GLIS3: variants seen among roughly 807,000 people sequenced by gnomAD.
GLIS3 encodes GLIS family zinc finger 3.
Under a neutral mutation model 78.6 loss-of-function variants are expected in GLIS3, and 53 were observed. The observed-to-expected ratio is 0.67, with a 90% CI of 0.54 to 0.85. The LOEUF is 0.85. Among genes scored for constraint, GLIS3 ranks in the 40% least tolerant of loss-of-function variants. The pLI is 0.00. For missense variants in GLIS3, 1,703 were observed against 1,231.1 expected (o/e 1.38, Z -5.74); for synonymous variants, 684 against 509.9 (o/e 1.34, Z -4.60).
chr9:4,269,400 T>C (rs1826303202), intron 2 of GLIS3, among the ~76,000 whole-genome samples: 1 of 152,238 alleles, frequency 6.6e-6, no homozygotes, highest in African/African-American at 2.4e-5. Flanking sequence ...TAGGCTACAC[T>C]TATACTGCCA....
At chr9:4,320,282 G>A (rs1362375962) in intron 2 of GLIS3, among the ~76,000 whole-genome samples, 1 of 152,072 alleles carries the variant, frequency 6.6e-6, no homozygotes, top group East Asian at 1.9e-4. Context: ...AAGAATTTGA[G>A]TTTGTGAGCT....
At chr9:4,071,255 T>C (rs564711363) in intron 4 of GLIS3, 22 of 152,248 alleles carry the variant, frequency 1.4e-4, no homozygotes, top group Middle Eastern at 3.4e-3. Context: ...TATGTAACCA[T>C]TGGGCCAATG....
chr9:4,082,952 G>A (rs1828685168), intron 4 of GLIS3, among the ~76,000 whole-genome samples: 1 of 152,146 alleles, frequency 6.6e-6, no homozygotes, highest in Non-Finnish European at 1.5e-5. Flanking sequence ...TGCTATTTTA[G>A]ATGGGTAACT....
Position 4,118,579 on chromosome 9 carries a change from T to C in GLIS3, c.899A>G (p.Lys300Arg). The C allele has an allele frequency of 6.2e-7, 1 of 1,614,214 alleles. No individual in the cohort carries two copies. Among genetic ancestry groups the C allele is most frequent in the Non-Finnish European group, 8.5e-7 (1 of 1,180,024 alleles). The change falls in exon 4 of 11, where the codon AAG becomes AGG. Residue 300 changes from lysine to arginine, a missense_variant. Lys to Arg is a conservative substitution (Grantham distance 26). Coordinates refer to ENST00000381971, the MANE Select transcript of GLIS3 (RefSeq NM_001042413.2). This position sits in a 1 kb window ranked among gnomAD's most constrained non-coding sequence, Gnocchi z 4.7. ...STRSHSARSK[K>R]RALSLSPLSD... ...CAGCGGGGACAAGGACAGCGCTCTCTTCTTGGAGCGGGCCGAGTGGGACCT... is the reference window on the plus strand; with the variant it reads ...CAGCGGGGACAAGGACAGCGCTCTCCTCTTGGAGCGGGCCGAGTGGGACCT...
At chr9:3,918,459 C>G (rs376138989) in intron 6 of GLIS3, among the ~76,000 whole-genome samples, 64 of 152,318 alleles carry the variant, frequency 4.2e-4, no homozygotes, top group African/African-American at 1.4e-3. Context: ...TCCCTAAGCT[C>G]AGAATTTCCC....
At chr9:3,829,172 A>G in intron 10 of GLIS3, 138 bp downstream of exon 10, 1 of 723,942 alleles carries the variant, frequency 1.4e-6, no homozygotes, top group Non-Finnish European at 2.5e-6. Flanking sequence ...TGGAGATGAG[A>G]GCCATTTCAG....
intron 6 of GLIS3, among the ~76,000 whole-genome samples, chr9:3,923,551 G>A (rs955541211): frequency 6.6e-6 from 1 of 150,388 alleles, no homozygotes; most frequent in African/African-American, 2.4e-5. Context: ...TTGGAAGACA[G>A]TAGAGCCCAT....
Position 4,104,857 on chromosome 9 carries a change from C to T in GLIS3, c.1710+12911G>A, listed in dbSNP as rs371304397. Among the ~76,000 whole-genome samples the T allele has an allele frequency of 3.9e-5, 6 of 152,182 alleles. No homozygotes were observed. The East Asian group carries it at 9.6e-4, about 24-fold the overall frequency. ...ATGGGAGTCAGGGGTCTGATCTGTT[C>T]CCTGCTGGATCCCCAGTGCTTAGAA... is the stretch of plus-strand genomic sequence containing the variant. On this transcript the variant is annotated intron_variant, in intron 4 of 10. Transcript: ENST00000381971.
chr9:4,301,111 A>G (rs1232014378), upstream of GLIS3, among the ~76,000 whole-genome samples: 2 of 152,204 alleles, frequency 1.3e-5, no homozygotes, highest in African/African-American at 4.8e-5. Flanking sequence ...ATCTAATTTC[A>G]GTGGGAATAC....
intron 4 of GLIS3, among the ~76,000 whole-genome samples, chr9:3,962,633 T>C (rs925578805): frequency 1.2e-4 from 19 of 152,184 alleles, no homozygotes; most frequent in African/African-American, 4.3e-4. Context: ...GAGCAGTTTT[T>C]TGTTTGCTTT....
chr9:4,453,315 A>T, the GLIS3 span, among the ~76,000 whole-genome samples: 1 of 143,698 alleles, frequency 7.0e-6, no homozygotes, highest in South Asian at 2.3e-4. Flanking sequence ...GACAAATGGG[A>T]TCTCATTAAA....
intron 2 of GLIS3, among the ~76,000 whole-genome samples, chr9:4,317,807 C>G (rs1817463476): frequency 6.6e-6 from 1 of 152,116 alleles, no homozygotes; most frequent in Non-Finnish European, 1.5e-5. Flanking sequence ...GAATTCAAAC[C>G]ATTGAGAGTG....
At chr9:4,014,584 G>C (rs1410379780) in intron 4 of GLIS3, among the ~76,000 whole-genome samples, 5 of 152,220 alleles carry the variant, frequency 3.3e-5, no homozygotes, top group Non-Finnish European at 5.9e-5. Flanking sequence ...GCAATGATTA[G>C]AAGCTAGGAA....
chr9:4,101,295 T>C (rs1830352279), intron 4 of GLIS3, among the ~76,000 whole-genome samples: 1 of 152,318 alleles, frequency 6.6e-6, no homozygotes, highest in South Asian at 2.1e-4. Context: ...TGGAAGATGT[T>C]ACTCTCTGGG....
At chr9:4,256,243 G>A (rs902623699) in intron 2 of GLIS3, among the ~76,000 whole-genome samples, 6 of 151,934 alleles carry the variant, frequency 3.9e-5, no homozygotes, top group Admixed American at 3.3e-4. Context: ...GGGGAACACT[G>A]TGCAAAAAAA....
At chr9:4,348,133 C>A (rs1817917942) in intron 1 of GLIS3, 1 of 152,170 alleles carries the variant, frequency 6.6e-6, no homozygotes, top group Admixed American at 6.5e-5. Context: ...TAACTTATAA[C>A]AGCAAAAATC....
intron 9 of GLIS3, among the ~76,000 whole-genome samples, chr9:3,835,030 C>G (rs995081393): frequency 6.6e-5 from 10 of 152,178 alleles, no homozygotes; most frequent in Non-Finnish European, 8.8e-5. Flanking sequence ...ACAGAAGGCT[C>G]TACCCAACTG....
At chr9:4,474,568 TTGAAA>T in the GLIS3 span, among the ~76,000 whole-genome samples, 1 of 152,196 alleles carries the variant, frequency 6.6e-6, no homozygotes, top group African/African-American at 2.4e-5. Context: ...AGATTTTAGA[TTGAAA>T]TGAAAGAAGC....
intron 4 of GLIS3, among the ~76,000 whole-genome samples, chr9:4,089,093 T>TTA (rs1380629568): frequency 6.6e-6 from 1 of 152,270 alleles, no homozygotes; most frequent in African/African-American, 2.4e-5. Context: ...CTTTTATTTT[T>TTA]TATGAACTAG....
Sources: gnomAD v4.1 joint callset for allele counts (sites outside exome capture counted in the v4.1 genomes callset) on GRCh38, gnomAD v4.1.1 for gene constraint, Gnocchi (gnomAD v3.1) non-coding constraint, MANE v1.5 for transcripts, NCBI Gene and HGNC (gene_info 2026-07-23, HGNC 2026-07-21) for gene names.